GOLGB1: variants seen among roughly 807,000 people sequenced by gnomAD.
GOLGB1 encodes golgin B1, also known as golgin subfamily B member 1.
Under a neutral mutation model 336.9 loss-of-function variants are expected in GOLGB1, and 174 were observed. The observed-to-expected ratio is 0.52, with a 90% CI of 0.46 to 0.59. The LOEUF (loss-of-function observed/expected upper bound fraction) is 0.59, where lower values mean the gene tolerates loss of function less well. Among genes scored for constraint, GOLGB1 ranks in the 20% least tolerant of loss-of-function variants. The pLI is 0.00. For synonymous variants in GOLGB1, 1,208 were observed against 1,289.2 expected, an observed-to-expected ratio of 0.94 and a Z score of 1.35; for missense variants, 3,331 against 3,645.3, an observed-to-expected ratio of 0.91 and a Z score of 2.22.
chr3:121,731,121 T>C (rs765825860), intron 1 of GOLGB1, 148 bp from the exon 2 acceptor site: 4 of 759,044 alleles, frequency 5.3e-6, no homozygotes, highest in South Asian at 1.9e-5. Context: ...CAATGATGTC[T>C]TCAAAAAGGC....
At chr3:121,671,905 C>T (rs1939594200) in intron 17 of GOLGB1, among the ~76,000 whole-genome samples, 1 of 150,550 alleles carries the variant, frequency 6.6e-6, no homozygotes. Flanking sequence ...ATTTGTCTTT[C>T]TGTTCTTGGC....
At chr3:121,731,098 A>G in intron 1 of GOLGB1, 125 bp from the exon 2 acceptor site, 1 of 905,300 alleles carries the variant, frequency 1.1e-6, no homozygotes, top group Non-Finnish European at 1.6e-6. Context: ...TGTATTAGAC[A>G]CAGTCTGCAG....
chr3:121,741,670 A>G (rs1392878399), intron 1 of GOLGB1, among the ~76,000 whole-genome samples: 3 of 152,178 alleles, frequency 2.0e-5, no homozygotes, highest in Admixed American at 1.3e-4. Context: ...CCGAAATACA[A>G]ACTAATCTTT....
At chr3:121,743,963 A>C (rs1320738496) in intron 1 of GOLGB1, among the ~76,000 whole-genome samples, 3 of 152,184 alleles carry the variant, frequency 2.0e-5, no homozygotes, top group Non-Finnish European at 4.4e-5. Context: ...TTATTCTAGT[A>C]ATTCAAATAT....
In GOLGB1 at chr3:121,735,649, G is replaced by T. The variant is rs147900733; in HGVS notation, c.-2-4676C>A. Among the ~76,000 whole-genome samples the T allele has an allele frequency of 4.6e-5, 7 of 152,196 alleles. No homozygotes were observed. The East Asian group carries it at 1.2e-3, about 25-fold the overall frequency. ...GCAAGAAAGCTAGGATAAACCCCAT[G>T]GTACTGGATTAGAGTCAGAGATATC... On this transcript the variant is annotated intron_variant, in intron 1 of 21. Transcript: ENST00000614479.
chr3:121,675,638 T>C (rs946716957), intron 17 of GOLGB1, among the ~76,000 whole-genome samples: 1 of 152,242 alleles, frequency 6.6e-6, no homozygotes, highest in African/African-American at 2.4e-5. Flanking sequence ...CTTCTGGAGT[T>C]CTGGTATGTT....
In GOLGB1 at chr3:121,690,655, G is replaced by A. The variant is rs1211703351; in HGVS notation, c.8694+15C>T. 2 of 1,306,110 alleles carry A rather than the reference G, an allele frequency of 1.5e-6. No individual in the cohort carries two copies. The highest frequency in any genetic ancestry group is 2.1e-6 in the Non-Finnish European group (2 of 954,490). The allele number at this position is 1,306,110 out of a possible 1,614,324, so 80.9% of individuals were successfully genotyped here. On this transcript the variant is annotated intron_variant, in intron 14 of 21. Transcript: ENST00000614479. ...AACTCTTAAACAGATCAGAAAGAAA[G>A]AACTAGCTACTCACTAGTCTGTCTC...
chr3:121,748,056 G>A (rs1464046766), intron 1 of GOLGB1, among the ~76,000 whole-genome samples: 1 of 151,220 alleles, frequency 6.6e-6, no homozygotes, highest in African/African-American at 2.4e-5. Context: ...ATTAATCAAA[G>A]GGAGAAAAAG....
intron 1 of GOLGB1, among the ~76,000 whole-genome samples, chr3:121,738,668 A>AG (rs1422783462): frequency 1.3e-5 from 2 of 152,216 alleles, no homozygotes; most frequent in East Asian, 1.9e-4. Flanking sequence ...GAAAGAGCTG[A>AG]GGCAGTCTGG....
Position 121,730,878 on chromosome 3 carries a change from G to T in GOLGB1, c.94C>A (p.Pro32Thr), listed in dbSNP as rs773823815. 3.7e-6 allele frequency: 6 copies of T among 1,609,854 alleles called. No individual in the cohort carries two copies. The South Asian group carries it at 5.5e-5, about 15-fold the overall frequency. Residue 32 changes from proline (P) to threonine (T), a missense_variant and splice_region_variant, in exon 2 of 22, where the codon CCT (proline) becomes ACT (threonine). Coordinates refer to ENST00000614479, the MANE Select transcript of GOLGB1 (RefSeq NM_001366282.2). ...TAAATCAGAACAGAACTACTCACAGGGTCTAGGGGAGCCCTCATATTCTGA... is the reference window on the plus strand; with the variant it reads ...TAAATCAGAACAGAACTACTCACAGTGTCTAGGGGAGCCCTCATATTCTGA... ...TDQNMRAPLDPELHQESDMEF... is the reference protein window; with the variant it reads ...TDQNMRAPLDTELHQESDMEF...
At chr3:121,665,819 A>T (rs1389808858) in intron 20 of GOLGB1, among the ~76,000 whole-genome samples, 1 of 152,194 alleles carries the variant, frequency 6.6e-6, no homozygotes, top group Non-Finnish European at 1.5e-5. Context: ...CTGAAAGGAT[A>T]TCTATTAGTT....
rs764655659 is a variant in GOLGB1 at position 121,697,666 on chromosome 3, G to C, written c.2857C>G (p.Gln953Glu). Residue 953 changes from glutamine to glutamate, a missense_variant, in exon 13 of 22, where the codon CAG (glutamine) becomes GAG (glutamate). Coordinates refer to ENST00000614479, the MANE Select transcript of GOLGB1 (RefSeq NM_001366282.2). ...GAAACTTCATTATCTTCTTCCACCT[G>C]CTCTTTTTTTGCTTCCTCAGCTCTG... Reference protein sequence around the residue: ...LSRAEEAKKEQVEEDNEVSSG... With the variant: ...LSRAEEAKKEEVEEDNEVSSG... 4.3e-6 allele frequency: 7 copies of C among 1,612,282 alleles called. No homozygotes were observed. The Admixed American group carries it at 1.2e-4, about 27-fold the overall frequency.
chr3:121,741,289 G>T (rs962850662), intron 1 of GOLGB1, among the ~76,000 whole-genome samples: 1 of 151,994 alleles, frequency 6.6e-6, no homozygotes, highest in Admixed American at 6.6e-5. Context: ...TAAATATACG[G>T]TTACTAACAG....
chr3:121,723,323 T>A (rs1261148986), intron 5 of GOLGB1, among the ~76,000 whole-genome samples: 2 of 152,224 alleles, frequency 1.3e-5, no homozygotes, highest in East Asian at 3.8e-4. Flanking sequence ...CAAGTGTATA[T>A]GCAGTTGGTA....
intron 5 of GOLGB1, among the ~76,000 whole-genome samples, chr3:121,726,535 G>A (rs1484032227): frequency 6.7e-6 from 1 of 148,976 alleles, no homozygotes; most frequent in Non-Finnish European, 1.5e-5. Context: ...TGAGGTGACT[G>A]AACTCATGAA....
At chr3:121,699,787 G>A in intron 12 of GOLGB1, 25 bp downstream of exon 12, 1 of 1,389,762 alleles carries the variant, frequency 7.2e-7, no homozygotes, top group Non-Finnish European at 1.0e-6. Flanking sequence ...TCATGTTCTG[G>A]TTATATTAAG....
intron 1 of GOLGB1, among the ~76,000 whole-genome samples, chr3:121,747,517 G>A (rs1422282661): frequency 6.6e-6 from 1 of 150,696 alleles, no homozygotes; most frequent in Non-Finnish European, 1.5e-5. Flanking sequence ...AATGGGGACA[G>A]GCTAAATACT....
At chr3:121,727,067 T>A (rs755782589) in intron 4 of GOLGB1, 26 bp from the exon 5 acceptor site, 2 of 1,370,262 alleles carry the variant, frequency 1.5e-6, no homozygotes, top group South Asian at 2.8e-5. Context: ...ATAAAGTCAT[T>A]ATTTAAAAGA....
At chr3:121,668,802 G>A (rs1234864539) in intron 18 of GOLGB1, among the ~76,000 whole-genome samples, 4 of 149,760 alleles carry the variant, frequency 2.7e-5, no homozygotes, top group African/African-American at 4.9e-5. Context: ...TATCCTATAC[G>A]TCTCCATACT....
Sources: allele counts gnomAD v4.1 joint callset (sites outside exome capture counted in the v4.1 genomes callset), GRCh38; gene constraint gnomAD v4.1.1; transcripts MANE v1.5; gene names NCBI Gene and HGNC (gene_info 2026-07-23, HGNC 2026-07-21).